Variants in ENPP1 observed in about 807,000 individuals in gnomAD.
ENPP1 encodes the protein ectonucleotide pyrophosphatase/phosphodiesterase family member 1.
In ENPP1, 73 loss-of-function variants were observed where a neutral mutation model predicts 122.8. That is an observed-to-expected ratio of 0.59 (90% CI 0.49 to 0.72). The LOEUF is 0.72. Among genes scored for constraint, ENPP1 ranks in the 30% least tolerant of loss-of-function variants. The probability of loss-of-function intolerance (pLI) is 0.00; values close to 1 mark genes in which losing one functional copy is unlikely to be tolerated. For missense variants in ENPP1, 978 were observed against 1,128.1 expected (o/e 0.87, Z 1.91); for synonymous variants, 367 against 391.6 (o/e 0.94, Z 0.74).
chr6:131,887,627 C>T (rs968298678), intron 24 of ENPP1, among the ~76,000 whole-genome samples: 16 of 145,706 alleles, frequency 1.1e-4, no homozygotes, highest in Admixed American at 2.8e-4. Context: ...GGCATGATCT[C>T]GGCTCACTGC....
chr6:131,825,809 A>G (rs1781538776), intron 1 of ENPP1, among the ~76,000 whole-genome samples: 1 of 152,158 alleles, frequency 6.6e-6, no homozygotes, highest in Non-Finnish European at 1.5e-5. Flanking sequence ...GAGGTGACAC[A>G]TTTCTAAAAT....
intron 1 of ENPP1, among the ~76,000 whole-genome samples, chr6:131,844,518 T>TAA (rs1781781365): frequency 6.6e-6 from 1 of 152,150 alleles, no homozygotes; most frequent in Non-Finnish European, 1.5e-5. Context: ...GCTTTGCCTC[T>TAA]CAGAGGTAAA....
intron 1 of ENPP1, among the ~76,000 whole-genome samples, chr6:131,844,957 A>G (rs546121011): frequency 1.3e-5 from 2 of 148,304 alleles, no homozygotes; most frequent in African/African-American, 4.9e-5. Context: ...CTGTATTGTG[A>G]GTTATGTGAT....
rs1044558 is a variant in ENPP1, at chr6:131,890,674, C to G, written c.*163C>G. ...AGGGAAACTTGCGTACTCAGCACAG[C>G]AGTGGAGAGTGTTCCTGTTGAATCT... is the stretch of plus-strand genomic sequence containing the variant. On this transcript the variant is annotated 3_prime_UTR_variant, in exon 25 of 25. Coordinates refer to ENST00000647893, the MANE Select transcript of ENPP1 (RefSeq NM_006208.3). The G allele has an allele frequency of 2.1e-5, 14 of 660,556 alleles. No homozygotes were observed. Among genetic ancestry groups the G allele is most frequent in the Admixed American group, 9.4e-5 (4 of 42,342 alleles). 40.9% of individuals were successfully genotyped at this position (660,556 alleles called of 1,614,324 possible).
chr6:131,829,280 A>G (rs1426817945), intron 1 of ENPP1, among the ~76,000 whole-genome samples: 3 of 152,256 alleles, frequency 2.0e-5, no homozygotes, highest in Non-Finnish European at 2.9e-5. Context: ...AAGTAATTTA[A>G]TACTACTTTT....
Position 131,873,820 on chromosome 6 carries a change from T to A in ENPP1, c.1566-448T>A, listed in dbSNP as rs551898009. Among the ~76,000 whole-genome samples, 872 of 151,762 alleles carry A rather than the reference T, an allele frequency of 5.7e-3. 5 individuals carry two copies. Among genetic ancestry groups the A allele is most frequent in the African/African-American group, 0.02 (818 of 41,444 alleles). ...AGCTGGGCTTTTAGTTTTCAAAAAATATATATATATATGAAAGGAGAAATG... is the reference window on the plus strand; with the variant it reads ...AGCTGGGCTTTTAGTTTTCAAAAAAAATATATATATATGAAAGGAGAAATG... On this transcript the variant is annotated intron_variant, in intron 15 of 24. Coordinates refer to ENST00000647893, the MANE Select transcript of ENPP1 (RefSeq NM_006208.3).
chr6:131,885,755 A>G (rs1782369788), intron 23 of ENPP1, among the ~76,000 whole-genome samples: 1 of 152,218 alleles, frequency 6.6e-6, no homozygotes, highest in South Asian at 2.1e-4. Flanking sequence ...TGTGACTTAC[A>G]AAATACATCA....
At position 131,861,669 on chromosome 6, in the gene ENPP1, C is replaced by T. The variant is rs758973448; in HGVS notation, c.990C>T (p.Asn330=). Residue 330 remains asparagine (N), a synonymous_variant, in exon 9 of 25, where the codon AAC becomes AAT. Coordinates refer to ENST00000647893, the MANE Select transcript of ENPP1 (RefSeq NM_006208.3). Reference sequence around the variant, plus strand: ...GGCCAGGATCAGATGTGGAAATTAACGGAATTTTCCCAGACATCTATAAAA... The same window carrying T: ...GGCCAGGATCAGATGTGGAAATTAATGGAATTTTCCCAGACATCTATAAAA... ...FFWPGSDVEI[N]GIFPDIYKMY... is the part of the protein sequence containing the mutation. 30 of 1,612,400 alleles carry T rather than the reference C, an allele frequency of 1.9e-5. No individual in the cohort carries two copies. The highest frequency in any genetic ancestry group is 4.4e-5 in the South Asian group (4 of 91,052).
chr6:131,870,669 A>C (rs763135450), intron 13 of ENPP1, among the ~76,000 whole-genome samples: 8 of 152,258 alleles, frequency 5.3e-5, no homozygotes, highest in Non-Finnish European at 1.0e-4. Flanking sequence ...TTATGCAGAT[A>C]GATTTACACA....
intron 24 of ENPP1, among the ~76,000 whole-genome samples, chr6:131,887,269 T>C (rs1406586378): frequency 1.3e-5 from 2 of 152,194 alleles, no homozygotes; most frequent in Non-Finnish European, 2.9e-5. Context: ...AAAAATCTTT[T>C]CCTTTCTTAT....
At chr6:131,818,447 C>T (rs1211255510) in intron 1 of ENPP1, among the ~76,000 whole-genome samples, 3 of 151,908 alleles carry the variant, frequency 2.0e-5, no homozygotes, top group South Asian at 4.2e-4. Context: ...GAGATCGAGA[C>T]CATCCTGGCT....
intron 12 of ENPP1, among the ~76,000 whole-genome samples, chr6:131,869,036 C>T (rs1480129359): frequency 6.6e-6 from 1 of 152,110 alleles, no homozygotes; most frequent in Non-Finnish European, 1.5e-5. Context: ...CAGTTAATAT[C>T]CTAGGTGGTT....
In ENPP1 at chr6:131,890,366, T is replaced by A. The variant is rs754251347; in HGVS notation, c.2633T>A (p.Val878Asp). 6.2e-7 allele frequency: 1 copy of A among 1,614,014 alleles called. No individual in the cohort carries two copies. The highest frequency in any genetic ancestry group is 8.5e-7 in the Non-Finnish European group (1 of 1,179,878). ...CATGGGAAGCATGACTCCTCATGGG[T>A]TGAAGAATTGTTAATGTTACACAGA... ...CVHGKHDSSWVEELLMLHRAR... is the reference protein window; with the variant it reads ...CVHGKHDSSWDEELLMLHRAR... The change falls in exon 25 of 25, where the codon GTT (valine) becomes GAT (aspartate). Residue 878 changes from valine (V) to aspartate (D), a missense_variant. Physicochemically the swap from Val to Asp is radical, Grantham distance 152. Transcript: ENST00000647893.
At chr6:131,829,297 C>T (rs1420780928) in intron 1 of ENPP1, among the ~76,000 whole-genome samples, 4 of 152,172 alleles carry the variant, frequency 2.6e-5, no homozygotes, top group Non-Finnish European at 5.9e-5. Flanking sequence ...TTTTATTTAA[C>T]GACATATCTT....
chr6:131,875,650 C>T (rs542778889), intron 16 of ENPP1, 126 bp from the exon 17 acceptor site: 30 of 742,770 alleles, frequency 4.0e-5, no homozygotes, highest in African/African-American at 5.2e-5. Flanking sequence ...GTCCACTGAG[C>T]GTGGTAGTTT....
chr6:131,868,859 T>C (rs1213157646), intron 12 of ENPP1, among the ~76,000 whole-genome samples: 1 of 152,244 alleles, frequency 6.6e-6, no homozygotes, highest in Non-Finnish European at 1.5e-5. Context: ...TTGGGGACTA[T>C]AGGAGCAGCG....
Position 131,808,020 on chromosome 6 carries a change from A to G in ENPP1, c.-16A>G, listed in dbSNP as rs1350762029. The G allele has an allele frequency of 7.5e-6, 7 of 927,238 alleles. No individual in the cohort carries two copies. The Admixed American group carries it at 8.0e-4, about 106-fold the overall frequency. 57.4% of individuals were successfully genotyped at this position (927,238 alleles called of 1,614,324 possible). A position where few individuals can be genotyped will look rare whatever the true frequency, so the allele number is the denominator to read the frequency against. ...AGGCGCGGCCGGGCAGCGGGGCCGG[A>G]GCGGCCGGGGCCACGATGGAGCGCG... On this transcript the variant is annotated 5_prime_UTR_variant, in exon 1 of 25. Transcript: ENST00000647893.
intron 6 of ENPP1, among the ~76,000 whole-genome samples, chr6:131,857,087 A>G (rs1471382828): frequency 2.6e-5 from 4 of 152,114 alleles, no homozygotes; most frequent in African/African-American, 9.7e-5. Flanking sequence ...GGGCAAATCA[A>G]AACCACTATG....
intron 1 of ENPP1, among the ~76,000 whole-genome samples, chr6:131,845,593 G>A (rs1330541643): frequency 6.6e-6 from 1 of 151,536 alleles, no homozygotes; most frequent in African/African-American, 2.4e-5. Flanking sequence ...GAGCAGCAGG[G>A]ATTATAGGCG....
Sources: gnomAD v4.1 joint callset for allele counts (sites outside exome capture counted in the v4.1 genomes callset) on GRCh38, gnomAD v4.1.1 for gene constraint, MANE v1.5 for transcripts, NCBI Gene and HGNC (gene_info 2026-07-23, HGNC 2026-07-21) for gene names.